ARHGAP28: variants seen among roughly 807,000 people sequenced by gnomAD.
ARHGAP28 encodes Rho GTPase activating protein 28.
A neutral mutation model predicts 90.7 loss-of-function variants in ARHGAP28; 56 were observed. That is an observed-to-expected ratio of 0.62 (90% CI 0.50 to 0.77). The LOEUF (loss-of-function observed/expected upper bound fraction) is 0.77, where lower values mean the gene tolerates loss of function less well. ARHGAP28 is among the 30% of genes least tolerant of loss of function. ARHGAP28 has a pLI of 0.00. For synonymous variants in ARHGAP28, 308 were observed against 323.3 expected, an observed-to-expected ratio of 0.95 and a Z score of 0.51; for missense variants, 869 against 900.9, an observed-to-expected ratio of 0.96 and a Z score of 0.45.
intron 16 of ARHGAP28, among the ~76,000 whole-genome samples, chr18:6,899,557 C>T (rs1163282094): frequency 1.3e-5 from 2 of 152,152 alleles, no homozygotes; most frequent in African/African-American, 4.8e-5. Flanking sequence ...CGCCACCACC[C>T]CATGGTTTCG....
At position 6,824,872 on chromosome 18, in the gene ARHGAP28, T is replaced by A; in HGVS notation, c.233T>A (p.Met78Lys). 6.5e-7 allele frequency: 1 copy of A among 1,536,290 alleles called. No individual in the cohort carries two copies. The highest frequency in any genetic ancestry group is 8.7e-7 in the Non-Finnish European group (1 of 1,146,932). The change falls in exon 2 of 18, where the codon ATG (methionine) becomes AAG (lysine). Residue 78 changes from methionine (M) to lysine (K), a missense_variant. Coordinates refer to ENST00000383472, the MANE Select transcript of ARHGAP28 (RefSeq NM_001366230.1). Reference protein sequence around the residue: ...NSEASVDSASMEDFWREIESI... With the variant: ...NSEASVDSASKEDFWREIESI... The stretch of plus-strand genomic sequence containing the variant: ...GAAGCCTCCGTAGACAGCGCCTCCA[T>A]GGAGGATTTCTGGCGGGAAATAGAA...
At chr18:6,766,582 C>G (rs559478338) in intron 1 of ARHGAP28, among the ~76,000 whole-genome samples, 34 of 152,252 alleles carry the variant, frequency 2.2e-4, no homozygotes, top group Admixed American at 1.3e-3. Flanking sequence ...GCCAGCTCCT[C>G]TGATGGGCAG....
At chr18:6,862,605 C>T (rs1279334769) in intron 5 of ARHGAP28, among the ~76,000 whole-genome samples, 1 of 152,152 alleles carries the variant, frequency 6.6e-6, no homozygotes. Context: ...TCCCCTTCAT[C>T]AAAGTCTGCA....
chr18:6,786,250 T>A (rs2056363773), intron 1 of ARHGAP28, among the ~76,000 whole-genome samples: 2 of 152,250 alleles, frequency 1.3e-5, no homozygotes, highest in African/African-American at 4.8e-5. Flanking sequence ...ACACCTTTTT[T>A]ATTTTTTCTA....
intron 1 of ARHGAP28, among the ~76,000 whole-genome samples, chr18:6,738,626 C>T (rs922445136): frequency 4.6e-5 from 7 of 152,094 alleles, no homozygotes; most frequent in Non-Finnish European, 8.8e-5. Context: ...CATTATAACC[C>T]ATACTGTGAT....
At chr18:6,911,286 A>G (rs1415599628) in intron 17 of ARHGAP28, among the ~76,000 whole-genome samples, 2 of 152,220 alleles carry the variant, frequency 1.3e-5, no homozygotes, top group African/African-American at 4.8e-5. Context: ...GTAAAGAAAC[A>G]AAATGACCAT....
At chr18:6,776,360 G>A (rs1010521811) in intron 1 of ARHGAP28, among the ~76,000 whole-genome samples, 1 of 152,172 alleles carries the variant, frequency 6.6e-6, no homozygotes, top group Admixed American at 6.5e-5. Flanking sequence ...GACTGAATGT[G>A]GATATTTTCC....
intron 1 of ARHGAP28, among the ~76,000 whole-genome samples, chr18:6,804,273 A>G (rs1420493684): frequency 6.6e-6 from 1 of 152,218 alleles, no homozygotes; most frequent in Non-Finnish European, 1.5e-5. Flanking sequence ...ATATCAGTAA[A>G]ATTTGTAGTG....
chr18:6,889,059 G>A (rs1044654662), intron 12 of ARHGAP28, among the ~76,000 whole-genome samples: 4 of 152,184 alleles, frequency 2.6e-5, no homozygotes, highest in Admixed American at 1.3e-4. Context: ...AAAGTACTAA[G>A]AGTAACGCCT....
At chr18:6,847,630 G>GTGTGTGT (rs113144982) in intron 3 of ARHGAP28, among the ~76,000 whole-genome samples, 7 of 150,400 alleles carry the variant, frequency 4.7e-5, no homozygotes, top group Middle Eastern at 3.4e-3. Context: ...AGAGAGTGGG[G>GTGTGTGT]GTGTGTGTGT....
At chr18:6,784,066 ACTT>A (rs552695074) in intron 1 of ARHGAP28, among the ~76,000 whole-genome samples, 107 of 152,170 alleles carry the variant, frequency 7.0e-4, no homozygotes, top group African/African-American at 2.3e-3. Context: ...CTCCTCAGTT[ACTT>A]CTTTGAGTTT....
chr18:6,827,797 G>A (rs958577011), intron 2 of ARHGAP28, among the ~76,000 whole-genome samples: 4 of 151,998 alleles, frequency 2.6e-5, no homozygotes, highest in African/African-American at 7.2e-5. Flanking sequence ...CGGGGCGGCC[G>A]GGCAGAGACG....
intron 3 of ARHGAP28, among the ~76,000 whole-genome samples, chr18:6,848,760 A>G (rs1361117506): frequency 6.6e-6 from 1 of 152,126 alleles, no homozygotes; most frequent in Non-Finnish European, 1.5e-5. Context: ...TTCTGTCTTG[A>G]GCTCCATGTG....
At chr18:6,905,655 T>C (rs1362412653) in intron 16 of ARHGAP28, among the ~76,000 whole-genome samples, 1 of 151,978 alleles carries the variant, frequency 6.6e-6, no homozygotes, top group Non-Finnish European at 1.5e-5. Context: ...TTTCACAAAA[T>C]AAAAATTTAA....
chr18:6,822,980 T>G (rs1353939305), intron 1 of ARHGAP28, among the ~76,000 whole-genome samples: 1 of 152,242 alleles, frequency 6.6e-6, no homozygotes, highest in East Asian at 1.9e-4. Flanking sequence ...AACATGTAAT[T>G]GTCCTAAGTC....
At chr18:6,749,702 C>T (rs754459951) in intron 1 of ARHGAP28, among the ~76,000 whole-genome samples, 26 of 152,160 alleles carry the variant, frequency 1.7e-4, no homozygotes, top group Non-Finnish European at 1.2e-4. Context: ...GAATGCTTAG[C>T]ATCCATAGAT....
intron 3 of ARHGAP28, 195 bp from the exon 4 acceptor site, chr18:6,850,839 T>C (rs1398506083): frequency 5.3e-6 from 8 of 1,523,500 alleles, no homozygotes; most frequent in Non-Finnish European, 7.0e-6. Flanking sequence ...TTACAGTACA[T>C]GGCATTTATG....
chr18:6,889,950 G>A lies in ARHGAP28; in HGVS notation c.1599G>A (p.Trp533Ter). 6.2e-7 allele frequency: 1 copy of A among 1,614,162 alleles called. No homozygotes were observed. Among genetic ancestry groups the A allele is most frequent in the Non-Finnish European group, 8.5e-7 (1 of 1,180,024 alleles). The change falls in exon 13 of 18, where the codon TGG becomes TGA. Residue 533 changes from tryptophan (W) to a stop codon, truncating the protein, a stop_gained. Transcript: ENST00000383472. LOFTEE classifies it high-confidence loss of function. ...ANESKNRMSL[W>*]NISTVMAPNL... ...AATCAAAAAACCGAATGAGTCTGTG[G>A]AACATTTCTACAGTGATGGCACCAA...
chr18:6,775,708 A>G (rs1157454414), intron 1 of ARHGAP28, among the ~76,000 whole-genome samples: 1 of 152,212 alleles, frequency 6.6e-6, no homozygotes, highest in Non-Finnish European at 1.5e-5. Flanking sequence ...TCTCCTAAGT[A>G]ATACTGAATT....
Sources: allele counts gnomAD v4.1 joint callset (sites outside exome capture counted in the v4.1 genomes callset), GRCh38; gene constraint gnomAD v4.1.1; transcripts MANE v1.5; gene names NCBI Gene and HGNC (gene_info 2026-07-23, HGNC 2026-07-21).